Variants in COMMD10 observed in about 807,000 individuals in gnomAD.
COMMD10 encodes COMM domain-containing protein 10.
A neutral mutation model predicts 28.9 loss-of-function variants in COMMD10; 33 were observed. That is an observed-to-expected ratio of 1.14 (90% CI 0.87 to 1.53). The LOEUF (loss-of-function observed/expected upper bound fraction) is 1.53. COMMD10 is among the 40% of genes most tolerant of loss of function. COMMD10 has a pLI of 0.00. For synonymous variants in COMMD10, 110 were observed against 81.7 expected (o/e 1.35, Z -1.87); for missense variants, 310 against 233.4 (o/e 1.33, Z -2.14).
rs561301241 is a variant in COMMD10 at position 116,196,167 on chromosome 5, C to G, written c.510+61989C>G. On this transcript the variant is annotated intron_variant, in intron 5 of 6. Coordinates refer to ENST00000274458, the MANE Select transcript of COMMD10 (RefSeq NM_016144.4). ...TTTATAACAGCACAATTCACAAATA[C>G]AAAGTCATGGAACCAACCCAAATAA... 2.6e-5 allele frequency among the ~76,000 whole-genome samples: 4 copies of G among 152,250 alleles called. No homozygotes were observed. The South Asian group carries it at 8.3e-4, about 32-fold the overall frequency.
At chr5:116,231,536 A>G (rs1254336394) in intron 5 of COMMD10, among the ~76,000 whole-genome samples, 1 of 152,104 alleles carries the variant, frequency 6.6e-6, no homozygotes. Context: ...TGATTGCTAT[A>G]CTTCACTAAA....
chr5:116,225,550 C>A (rs1391215847), intron 5 of COMMD10, among the ~76,000 whole-genome samples: 1 of 152,062 alleles, frequency 6.6e-6, no homozygotes, highest in Non-Finnish European at 1.5e-5. Context: ...CTTTCCTCTG[C>A]TGCTTTGTTA....
chr5:116,193,733 G>A (rs1435390971), intron 5 of COMMD10, among the ~76,000 whole-genome samples: 3 of 151,940 alleles, frequency 2.0e-5, no homozygotes, highest in African/African-American at 7.2e-5. Context: ...GAGGACTTCA[G>A]TACTCCACTG....
Position 116,194,196 on chromosome 5 carries a change from A to G in COMMD10, c.510+60018A>G, listed in dbSNP as rs1156297502. Among the ~76,000 whole-genome samples the G allele has an allele frequency of 5.3e-5, 8 of 152,252 alleles. No individual in the cohort carries two copies. The East Asian group carries it at 1.5e-3, about 29-fold the overall frequency. ...GCTAAGAGGAAAGTTCATAGCCCTAAATGCCTAAATCCCTAAAAAGACTGA... is the reference window on the plus strand; with the variant it reads ...GCTAAGAGGAAAGTTCATAGCCCTAGATGCCTAAATCCCTAAAAAGACTGA... On this transcript the variant is annotated intron_variant, in intron 5 of 6. Coordinates refer to ENST00000274458, the MANE Select transcript of COMMD10 (RefSeq NM_016144.4).
At chr5:116,247,209 C>A (rs804141) in intron 5 of COMMD10, among the ~76,000 whole-genome samples, 15,629 of 151,750 alleles carry the variant, frequency 0.1, 944 homozygotes, top group East Asian at 0.24. Context: ...GGTCAACAGT[C>A]ATATGAAAAA....
At chr5:116,122,885 G>C (rs142090635) in intron 4 of COMMD10, among the ~76,000 whole-genome samples, 38 of 152,216 alleles carry the variant, frequency 2.5e-4, no homozygotes, top group African/African-American at 8.9e-4. Context: ...GGGCTGAGAC[G>C]ATGGGGTTTT....
intron 2 of COMMD10, among the ~76,000 whole-genome samples, chr5:116,088,059 T>C (rs1261694687): frequency 6.6e-6 from 1 of 152,224 alleles, no homozygotes; most frequent in Admixed American, 6.5e-5. Flanking sequence ...TTTAAGGATA[T>C]GGTTGTTTTG....
intron 5 of COMMD10, among the ~76,000 whole-genome samples, chr5:116,201,694 C>A (rs1748671942): frequency 6.6e-6 from 1 of 151,986 alleles, no homozygotes; most frequent in Non-Finnish European, 1.5e-5. Context: ...AACCAGAAAT[C>A]CCAGCTTAAT....
intron 5 of COMMD10, among the ~76,000 whole-genome samples, chr5:116,159,577 A>G (rs1251863796): frequency 6.6e-6 from 1 of 152,182 alleles, no homozygotes; most frequent in African/African-American, 2.4e-5. Context: ...TGAGAGAAAA[A>G]GGCTTGTATG....
chr5:116,192,394 G>T (rs753640003), intron 5 of COMMD10, among the ~76,000 whole-genome samples: 1 of 151,952 alleles, frequency 6.6e-6, no homozygotes, highest in African/African-American at 2.4e-5. Flanking sequence ...GAAAGGTGAA[G>T]CCCAATGCAA....
Position 116,193,978 on chromosome 5 carries a change from A to G in COMMD10, c.510+59800A>G, listed in dbSNP as rs575861657. Among the ~76,000 whole-genome samples, 3 of 152,300 alleles carry G rather than the reference A, an allele frequency of 2.0e-5. No homozygotes were observed. The East Asian group carries it at 5.8e-4, about 29-fold the overall frequency. ...TGATATCAAGCCACTCTCTCAGACC[A>G]CAGTGGAATAAAACTGGAAATCAAC... On this transcript the variant is annotated intron_variant, in intron 5 of 6. Coordinates refer to ENST00000274458, the MANE Select transcript of COMMD10 (RefSeq NM_016144.4).
intron 5 of COMMD10, among the ~76,000 whole-genome samples, chr5:116,284,301 C>T (rs1483289702): frequency 1.1e-4 from 16 of 151,592 alleles, no homozygotes; most frequent in Middle Eastern, 6.8e-3. Context: ...TTAAAAACTA[C>T]GCACAGTATC....
At chr5:116,176,398 G>A (rs1320715252) in intron 5 of COMMD10, among the ~76,000 whole-genome samples, 1 of 152,168 alleles carries the variant, frequency 6.6e-6, no homozygotes, top group Non-Finnish European at 1.5e-5. Context: ...ACAGGTGTGA[G>A]CCACCGTGCT....
intron 5 of COMMD10, among the ~76,000 whole-genome samples, chr5:116,275,068 A>G (rs1012092168): frequency 1.3e-5 from 2 of 151,426 alleles, no homozygotes; most frequent in South Asian, 4.2e-4. Context: ...ACTTCCCTCA[A>G]CCCCCATTCT....
intron 5 of COMMD10, among the ~76,000 whole-genome samples, chr5:116,159,597 T>C (rs969398970): frequency 2.0e-5 from 3 of 152,190 alleles, no homozygotes; most frequent in African/African-American, 4.8e-5. Flanking sequence ...GCAGTGCAGT[T>C]AATTGGGAAA....
chr5:116,231,355 T>C (rs1273086888), intron 5 of COMMD10, among the ~76,000 whole-genome samples: 1 of 152,194 alleles, frequency 6.6e-6, no homozygotes, highest in African/African-American at 2.4e-5. Context: ...TATAAAAGTA[T>C]GCAATACTAA....
At chr5:116,195,449 A>C (rs1748486502) in intron 5 of COMMD10, among the ~76,000 whole-genome samples, 1 of 152,192 alleles carries the variant, frequency 6.6e-6, no homozygotes, top group South Asian at 2.1e-4. Context: ...TGGTAAAAGA[A>C]TTCAGCAAAG....
intron 2 of COMMD10, among the ~76,000 whole-genome samples, chr5:116,087,874 G>C (rs1427811220): frequency 2.0e-5 from 3 of 152,224 alleles, no homozygotes; most frequent in East Asian, 1.9e-4. Context: ...AAATGTGTTT[G>C]ACCTTGGATC....
At chr5:116,085,975 C>A in intron 1 of COMMD10, among the ~76,000 whole-genome samples, 1 of 152,074 alleles carries the variant, frequency 6.6e-6, no homozygotes, top group Non-Finnish European at 1.5e-5. Context: ...ACAAAGAAAG[C>A]GAGGAAAGAA....
Sources: allele counts gnomAD v4.1 joint callset (sites outside exome capture counted in the v4.1 genomes callset), GRCh38; gene constraint gnomAD v4.1.1; transcripts MANE v1.5; gene names NCBI Gene and HGNC (gene_info 2026-07-23, HGNC 2026-07-21).